The following MAGI1 variants were observed in gnomAD, a reference collection of about 807,000 sequenced individuals.
The protein encoded by MAGI1 is membrane-associated guanylate kinase, WW and PDZ domain-containing protein 1.
In MAGI1, 58 loss-of-function variants were observed where a neutral mutation model predicts 139.9. The ratio of observed to expected loss-of-function variants is 0.41; its 90% confidence interval spans 0.34 to 0.52. The LOEUF is 0.52. Ranked by LOEUF, MAGI1 falls within the 20% of genes least tolerant of loss-of-function variation. The pLI is 0.12. For missense variants in MAGI1, 1,874 were observed against 1,901.6 expected (o/e 0.99, Z 0.27); for synonymous variants, 812 against 737.9 (o/e 1.10, Z -1.63).
intron 1 of MAGI1, among the ~76,000 whole-genome samples, chr3:65,847,221 T>C (rs1290951986): frequency 6.6e-6 from 1 of 152,310 alleles, no homozygotes; most frequent in East Asian, 1.9e-4. Context: ...CAGAGTCTTC[T>C]ACATGAGGAT....
At chr3:65,395,391 C>T (rs73125538) in intron 13 of MAGI1, among the ~76,000 whole-genome samples, 4,926 of 151,874 alleles carry the variant, frequency 0.032, 113 homozygotes, top group South Asian at 0.048. Flanking sequence ...CATGTAATCC[C>T]AGCACTTTGG....
chr3:65,844,118 G>C, intron 1 of MAGI1: 1 of 518,392 alleles, frequency 1.9e-6, no homozygotes, highest in Non-Finnish European at 3.8e-6. Context: ...CAAACAGTGG[G>C]GCTGGACACT....
chr3:65,670,140 T>G (rs1286520969), intron 1 of MAGI1, among the ~76,000 whole-genome samples: 1 of 152,174 alleles, frequency 6.6e-6, no homozygotes, highest in African/African-American at 2.4e-5. Flanking sequence ...CAAACTGATG[T>G]CTCATCATTC....
At chr3:65,895,661 T>C (rs946159597) in intron 1 of MAGI1, among the ~76,000 whole-genome samples, 1 of 152,236 alleles carries the variant, frequency 6.6e-6, no homozygotes. Flanking sequence ...ATGTGCCAAG[T>C]GCACAGTAAT....
chr3:65,387,672 TTCTAAG>T (rs1331206288), intron 14 of MAGI1, among the ~76,000 whole-genome samples: 1 of 152,200 alleles, frequency 6.6e-6, no homozygotes, highest in African/African-American at 2.4e-5. Context: ...TTCAGGTGAA[TTCTAAG>T]CATTTCAAGC....
intron 1 of MAGI1, among the ~76,000 whole-genome samples, chr3:65,982,329 C>T (rs754294022): frequency 8.5e-5 from 13 of 152,164 alleles, no homozygotes; most frequent in African/African-American, 1.2e-4. Flanking sequence ...ATGCCACATG[C>T]CCCTTCTTTG....
At chr3:65,375,709 AG>A in intron 18 of MAGI1, 35 bp downstream of exon 18, 1 of 808,924 alleles carries the variant, frequency 1.2e-6, no homozygotes, top group Non-Finnish European at 1.8e-6. Context: ...AGAGAGAAAA[AG>A]AGAGAGAGAG....
At chr3:65,832,709 C>A (rs543641255) in intron 1 of MAGI1, among the ~76,000 whole-genome samples, 1 of 152,184 alleles carries the variant, frequency 6.6e-6, no homozygotes, top group South Asian at 2.1e-4. Context: ...CCTAGGGCAG[C>A]TCCAGGCATA....
At chr3:65,868,627 A>G (rs2059811923) in intron 1 of MAGI1, among the ~76,000 whole-genome samples, 1 of 152,102 alleles carries the variant, frequency 6.6e-6, no homozygotes, top group South Asian at 2.1e-4. Flanking sequence ...GCCAATGGAA[A>G]TCTGTCGGCA....
chr3:65,607,068 G>C (rs537964712), intron 2 of MAGI1, among the ~76,000 whole-genome samples: 2 of 151,658 alleles, frequency 1.3e-5, no homozygotes, highest in African/African-American at 4.8e-5. Context: ...TTTTTTTTCC[G>C]ATTCTGACAT....
intron 7 of MAGI1, among the ~76,000 whole-genome samples, chr3:65,443,207 C>T (rs1948463178): frequency 6.6e-6 from 1 of 152,058 alleles, no homozygotes; most frequent in Non-Finnish European, 1.5e-5. Flanking sequence ...GTTCCTAGGC[C>T]ATCTTATTAC....
At chr3:65,757,224 T>C (rs1195088983) in intron 1 of MAGI1, among the ~76,000 whole-genome samples, 2 of 152,216 alleles carry the variant, frequency 1.3e-5, no homozygotes, top group East Asian at 3.8e-4. Context: ...CACTGACTTA[T>C]AACCATTCCA....
intron 1 of MAGI1, among the ~76,000 whole-genome samples, chr3:65,963,799 T>G (rs191511100): frequency 7.2e-5 from 11 of 152,264 alleles, no homozygotes; most frequent in Admixed American, 3.3e-4. Context: ...GACAGAGAGC[T>G]TTGCTTGTTG....
At chr3:65,494,343 A>T (rs1024916337) in intron 2 of MAGI1, among the ~76,000 whole-genome samples, 6 of 152,220 alleles carry the variant, frequency 3.9e-5, no homozygotes, top group African/African-American at 1.4e-4. Flanking sequence ...CCTCTTATGA[A>T]ATAAGGCAGA....
chr3:65,862,186 C>T (rs9874339), intron 1 of MAGI1, among the ~76,000 whole-genome samples: 37,810 of 152,140 alleles, frequency 0.25, 5,222 homozygotes, highest in African/African-American at 0.32. Flanking sequence ...TAAGAGCTCA[C>T]GCGCTGGACT....
At chr3:65,770,880 A>G (rs1404692077) in intron 1 of MAGI1, among the ~76,000 whole-genome samples, 1 of 151,906 alleles carries the variant, frequency 6.6e-6, no homozygotes, top group Non-Finnish European at 1.5e-5. Flanking sequence ...TTTAGTAGAG[A>G]CGGGGTTTTC....
intron 2 of MAGI1, among the ~76,000 whole-genome samples, chr3:65,610,779 G>GTATATAGTA (rs1228915094): frequency 6.9e-5 from 3 of 43,244 alleles, no homozygotes; most frequent in Admixed American, 1.9e-4. Context: ...TATATATACT[G>GTATATAGTA]TATATAGTAT....
At chr3:65,870,727 AAAAG>A (rs569675041) in intron 1 of MAGI1, among the ~76,000 whole-genome samples, 33 of 151,878 alleles carry the variant, frequency 2.2e-4, no homozygotes, top group Middle Eastern at 3.4e-3. Context: ...AAAAAAAAAA[AAAAG>A]AAAGAATGAA....
intron 1 of MAGI1, among the ~76,000 whole-genome samples, chr3:65,926,372 T>C (rs1461444272): frequency 1.3e-5 from 2 of 149,754 alleles, no homozygotes; most frequent in African/African-American, 4.9e-5. Flanking sequence ...TCTCTCTCCC[T>C]CTTTCCCTCC....
Sources: gnomAD v4.1 joint callset for allele counts (sites outside exome capture counted in the v4.1 genomes callset) on GRCh38, gnomAD v4.1.1 for gene constraint, MANE v1.5 for transcripts, NCBI Gene and HGNC (gene_info 2026-07-23, HGNC 2026-07-21) for gene names.